CEMIP: variants seen among roughly 807,000 people sequenced by gnomAD.
The protein encoded by CEMIP is cell migration inducing hyaluronidase 1.
Under a neutral mutation model 156.9 loss-of-function variants are expected in CEMIP, and 105 were observed. The observed-to-expected ratio is 0.67, with a 90% CI of 0.57 to 0.79. CEMIP has a LOEUF of 0.79. CEMIP is among the 30% of genes least tolerant of loss of function. CEMIP has a pLI of 0.00. For missense variants in CEMIP, 1,457 were observed against 1,769.4 expected (o/e 0.82, Z 3.17); for synonymous variants, 676 against 668.4 (o/e 1.01, Z -0.17).
At chr15:80,893,813 A>G (rs150328096) in intron 10 of CEMIP, among the ~76,000 whole-genome samples, 47 of 151,268 alleles carry the variant, frequency 3.1e-4, no homozygotes, top group African/African-American at 1.0e-3. Context: ...GTTTAAAACA[A>G]TGTTTCCTAA....
intron 1 of CEMIP, among the ~76,000 whole-genome samples, chr15:80,839,222 A>G (rs1897331899): frequency 6.6e-6 from 1 of 151,596 alleles, no homozygotes; most frequent in Non-Finnish European, 1.5e-5. Flanking sequence ...ATCGCATTCC[A>G]TAGCACAGGA....
intron 7 of CEMIP, among the ~76,000 whole-genome samples, chr15:80,886,165 G>A (rs953411404): frequency 4.6e-5 from 7 of 152,162 alleles, no homozygotes; most frequent in African/African-American, 9.7e-5. Flanking sequence ...TAGTGCAGAC[G>A]AACACATGAG....
At chr15:80,856,606 G>A (rs1024864725) in intron 1 of CEMIP, among the ~76,000 whole-genome samples, 34 of 152,200 alleles carry the variant, frequency 2.2e-4, no homozygotes, top group African/African-American at 8.2e-4. Context: ...CGGAGCTCAG[G>A]ATTGCAAGCT....
intron 17 of CEMIP, among the ~76,000 whole-genome samples, chr15:80,923,617 G>C (rs1900552539): frequency 6.6e-6 from 1 of 152,146 alleles, no homozygotes; most frequent in Non-Finnish European, 1.5e-5. Context: ...GGCAGGGAGG[G>C]AAGGAGTGAA....
rs146271769 is a variant in CEMIP at position 80,912,144 on chromosome 15, T to C, written c.1797+2838T>C. Among the ~76,000 whole-genome samples, 281 of 146,588 alleles carry C rather than the reference T, an allele frequency of 1.9e-3. 1 individual carries two copies. Among genetic ancestry groups the C allele is most frequent in the African/African-American group, 6.6e-3 (262 of 39,868 alleles). ...CTGGGAAAGACTGGGAAAGATGGCATAGGCCTTGAGCCAGGAGTGTGAGTT... is the reference window on the plus strand; with the variant it reads ...CTGGGAAAGACTGGGAAAGATGGCACAGGCCTTGAGCCAGGAGTGTGAGTT... On this transcript the variant is annotated intron_variant, in intron 14 of 29. Coordinates refer to ENST00000394685, the MANE Select transcript of CEMIP (RefSeq NM_001293298.2).
At chr15:80,935,220 G>C (rs1173575098) in intron 23 of CEMIP, among the ~76,000 whole-genome samples, 1 of 152,058 alleles carries the variant, frequency 6.6e-6, no homozygotes, top group Non-Finnish European at 1.5e-5. Context: ...AGGGAAGTGG[G>C]GTCAGAAGGG....
chr15:80,867,103 G>T (rs1898149653), intron 1 of CEMIP, among the ~76,000 whole-genome samples: 2 of 152,078 alleles, frequency 1.3e-5, no homozygotes, highest in African/African-American at 4.8e-5. Context: ...GGGGAGGGTG[G>T]GGGTGAACTA....
At chr15:80,901,850 A>G (rs1899573084) in intron 12 of CEMIP, among the ~76,000 whole-genome samples, 1 of 152,204 alleles carries the variant, frequency 6.6e-6, no homozygotes. Context: ...GCACTGATGT[A>G]GGTCAAGCAA....
intron 24 of CEMIP, among the ~76,000 whole-genome samples, 189 bp from the exon 25 acceptor site, chr15:80,937,605 T>C (rs1901178048): frequency 6.6e-6 from 1 of 152,234 alleles, no homozygotes; most frequent in South Asian, 2.1e-4. Context: ...GGGCAGCCAT[T>C]GTCTCTCCCT....
intron 25 of CEMIP, among the ~76,000 whole-genome samples, chr15:80,941,236 C>T (rs747769123): frequency 2.0e-5 from 3 of 152,158 alleles, no homozygotes; most frequent in African/African-American, 4.8e-5. Context: ...AGCCTGAAAG[C>T]GCTTTTCTGC....
chr15:80,812,130 C>T (rs975756682), intron 1 of CEMIP, among the ~76,000 whole-genome samples: 1 of 152,174 alleles, frequency 6.6e-6, no homozygotes, highest in Non-Finnish European at 1.5e-5. Flanking sequence ...CCTCCTGTCT[C>T]AGCCTCTCAA....
chr15:80,817,046 A>G (rs1281940461), intron 1 of CEMIP, among the ~76,000 whole-genome samples: 1 of 152,192 alleles, frequency 6.6e-6, no homozygotes, highest in African/African-American at 2.4e-5. Context: ...CTGACAGTAA[A>G]CAGTTTATAA....
intron 1 of CEMIP, among the ~76,000 whole-genome samples, chr15:80,788,797 C>G (rs1896009555): frequency 6.6e-6 from 1 of 152,154 alleles, no homozygotes; most frequent in Non-Finnish European, 1.5e-5. Context: ...CTGCTCATCT[C>G]TCTTCCGCTC....
intron 1 of CEMIP, among the ~76,000 whole-genome samples, chr15:80,840,660 C>G (rs894118692): frequency 6.6e-6 from 1 of 152,186 alleles, no homozygotes; most frequent in Non-Finnish European, 1.5e-5. Context: ...GTGTCCCTGG[C>G]CCGAGGCGTG....
chr15:80,787,855 C>T (rs1359263714), intron 1 of CEMIP, among the ~76,000 whole-genome samples: 2 of 152,156 alleles, frequency 1.3e-5, no homozygotes, highest in South Asian at 2.1e-4. Flanking sequence ...GTATCTGCAG[C>T]GAGGAGACAA....
At chr15:80,834,652 C>A (rs898287448) in intron 1 of CEMIP, among the ~76,000 whole-genome samples, 1 of 152,224 alleles carries the variant, frequency 6.6e-6, no homozygotes, top group Admixed American at 6.5e-5. Flanking sequence ...AACAATACTA[C>A]GCTGTCTTAA....
Position 80,925,774 on chromosome 15 carries a change from T to A in CEMIP, c.2420+19T>A. 2 of 1,609,558 alleles carry A rather than the reference T, an allele frequency of 1.2e-6. No homozygotes were observed. Among genetic ancestry groups the A allele is most frequent in the South Asian group, 2.2e-5 (2 of 90,984 alleles). ...GCTGCCGGTGAGTCAGAGCGGCGTG[T>A]GGCTTTGGCACAAAGGGGGCATGGC... On this transcript the variant is annotated intron_variant, in intron 19 of 29. Coordinates refer to ENST00000394685, the MANE Select transcript of CEMIP (RefSeq NM_001293298.2).
At chr15:80,794,033 G>A (rs949709991) in intron 1 of CEMIP, among the ~76,000 whole-genome samples, 3 of 152,200 alleles carry the variant, frequency 2.0e-5, no homozygotes, top group African/African-American at 7.2e-5. Flanking sequence ...GTTGCCAAGT[G>A]GGTTCCTGGT....
At chr15:80,798,041 T>C (rs1896276368) in intron 1 of CEMIP, among the ~76,000 whole-genome samples, 1 of 152,210 alleles carries the variant, frequency 6.6e-6, no homozygotes, top group Non-Finnish European at 1.5e-5. Context: ...TTTTATTACT[T>C]TTTAAAAAAG....
Sources: allele counts gnomAD v4.1 joint callset (sites outside exome capture counted in the v4.1 genomes callset), GRCh38; gene constraint gnomAD v4.1.1; transcripts MANE v1.5; gene names NCBI Gene and HGNC (gene_info 2026-07-23, HGNC 2026-07-21).